The following GABBR2 variants were observed in gnomAD, a reference collection of about 807,000 sequenced individuals.
GABBR2 encodes G-protein coupled receptor 51.
In GABBR2, 23 loss-of-function variants were observed where a neutral mutation model predicts 105.6. The ratio of observed to expected loss-of-function variants is 0.22; its 90% CI spans 0.16 to 0.31. The LOEUF (loss-of-function observed/expected upper bound fraction) is 0.31. GABBR2 is among the 10% of genes least tolerant of loss of function. The pLI, the probability that GABBR2 is intolerant of heterozygous loss-of-function variation, is 1.00. For synonymous variants in GABBR2, 478 were observed against 499.7 expected (o/e 0.96, Z 0.58); for missense variants, 734 against 1,245.5 (o/e 0.59, Z 6.18).
chr9:98,483,266 C>T (rs557667336), intron 4 of GABBR2, among the ~76,000 whole-genome samples: 2 of 152,178 alleles, frequency 1.3e-5, no homozygotes, highest in Non-Finnish European at 2.9e-5. Flanking sequence ...CAACTAGCTC[C>T]TTAATCAGTC....
At chr9:98,532,785 G>C (rs772957220) in intron 3 of GABBR2, among the ~76,000 whole-genome samples, 1 of 152,198 alleles carries the variant, frequency 6.6e-6, no homozygotes, top group Non-Finnish European at 1.5e-5. Context: ...AACGACTGGT[G>C]TAGAAGTCAG....
At chr9:98,471,366 G>C (rs1253589384) in intron 6 of GABBR2, among the ~76,000 whole-genome samples, 1 of 152,204 alleles carries the variant, frequency 6.6e-6, no homozygotes, top group Non-Finnish European at 1.5e-5. Context: ...ATGAGACAGT[G>C]ATGGGCAAGA....
intron 7 of GABBR2, among the ~76,000 whole-genome samples, chr9:98,427,565 T>C (rs1825719983): frequency 6.6e-6 from 1 of 152,242 alleles, no homozygotes. Context: ...TGGCGGTCAC[T>C]ACCAAATTCC....
intron 7 of GABBR2, among the ~76,000 whole-genome samples, chr9:98,449,598 G>A (rs947125174): frequency 6.6e-5 from 10 of 152,200 alleles, no homozygotes; most frequent in East Asian, 3.8e-4. Flanking sequence ...TAAATGAAGC[G>A]CCCTGGAAGA....
At chr9:98,434,605 G>T (rs976213808) in intron 7 of GABBR2, among the ~76,000 whole-genome samples, 1 of 152,208 alleles carries the variant, frequency 6.6e-6, no homozygotes, top group African/African-American at 2.4e-5. Flanking sequence ...CTCAGCAGCT[G>T]ATATACACCA....
intron 1 of GABBR2, among the ~76,000 whole-genome samples, chr9:98,630,030 T>C (rs1829795985): frequency 6.6e-6 from 1 of 152,200 alleles, no homozygotes; most frequent in African/African-American, 2.4e-5. Flanking sequence ...CATGAATAAC[T>C]GAGCCCTATT....
rs545520644 is a variant in GABBR2, at chr9:98,426,230, T to C, written c.1237-20089A>G. ...AGGCAAAGAGAACATCATGTTGCTTTGCCTACTCAGAGTCAGCGCAGTGTG... is the reference window on the plus strand; with the variant it reads ...AGGCAAAGAGAACATCATGTTGCTTCGCCTACTCAGAGTCAGCGCAGTGTG... On this transcript the variant is annotated intron_variant, in intron 7 of 18. Transcript: ENST00000259455. Among the ~76,000 whole-genome samples, 22 of 152,328 alleles carry C rather than the reference T, an allele frequency of 1.4e-4. No homozygotes were observed. The South Asian group carries it at 4.1e-3, about 29-fold the overall frequency.
intron 7 of GABBR2, among the ~76,000 whole-genome samples, chr9:98,443,684 A>C (rs921055001): frequency 6.6e-6 from 1 of 152,236 alleles, no homozygotes; most frequent in Non-Finnish European, 1.5e-5. Flanking sequence ...AATATATTTC[A>C]TGGACTAAGT....
intron 1 of GABBR2, among the ~76,000 whole-genome samples, chr9:98,624,167 G>A (rs1009759763): frequency 2.0e-5 from 3 of 152,226 alleles, no homozygotes; most frequent in African/African-American, 7.2e-5. Context: ...GCACTGTGGA[G>A]GGGCTGGACC....
chr9:98,657,725 G>A (rs565688945), intron 1 of GABBR2, among the ~76,000 whole-genome samples: 23 of 152,364 alleles, frequency 1.5e-4, no homozygotes, highest in African/African-American at 3.8e-4. Context: ...TGGCAAGAGC[G>A]GGACCAGGTG....
At chr9:98,495,858 G>C (rs987937830) in intron 4 of GABBR2, 1 of 153,698 alleles carries the variant, frequency 6.5e-6, no homozygotes, top group Non-Finnish European at 1.4e-5. Context: ...CTGAGGACAA[G>C]GTCAAGGCCG....
chr9:98,623,853 G>C (rs1464754200), intron 1 of GABBR2, among the ~76,000 whole-genome samples: 1 of 152,170 alleles, frequency 6.6e-6, no homozygotes, highest in African/African-American at 2.4e-5. Context: ...GATAGCCGCA[G>C]GTTCTGCCAT....
chr9:98,400,295 A>C (rs1162670489), intron 8 of GABBR2, among the ~76,000 whole-genome samples: 4 of 152,118 alleles, frequency 2.6e-5, no homozygotes, highest in African/African-American at 9.7e-5. Context: ...CAAACTCATT[A>C]GGAATCAGAG....
At chr9:98,564,668 T>C (rs955887549) in intron 2 of GABBR2, among the ~76,000 whole-genome samples, 10 of 152,188 alleles carry the variant, frequency 6.6e-5, no homozygotes, top group African/African-American at 2.4e-4. Context: ...ATTAGTTTTT[T>C]AACAGGCCCT....
rs764365066 is a variant in GABBR2, at chr9:98,577,994, C to A, written c.400G>T (p.Val134Phe). The A allele has an allele frequency of 6.2e-7, 1 of 1,613,982 alleles. No homozygotes were observed. ...GPNHLMVFGG[V>F]CPSVTSIIAE... is the part of the protein sequence containing the mutation. Reference sequence around the variant, plus strand: ...ATGATGGATGTGACGGATGGACAGACGCCTCCAAACACCATCAAGTGGTTA... The same window carrying A: ...ATGATGGATGTGACGGATGGACAGAAGCCTCCAAACACCATCAAGTGGTTA... The change falls in exon 2 of 19, where the codon GTC (valine) becomes TTC (phenylalanine). Residue 134 changes from valine (V) to phenylalanine (F), a missense_variant. Val to Phe is a conservative substitution (Grantham distance 50, BLOSUM62 -1). Around this residue, in one of 7 missense-constraint regions of GABBR2, gnomAD observed 370 missense variants for 648.9 expected, o/e 0.57. Coordinates refer to ENST00000259455, the MANE Select transcript of GABBR2 (RefSeq NM_005458.8).
intron 5 of GABBR2, among the ~76,000 whole-genome samples, chr9:98,475,428 C>T (rs907843511): frequency 1.3e-5 from 2 of 152,000 alleles, no homozygotes; most frequent in Admixed American, 6.6e-5. Flanking sequence ...AAAGGGTCAC[C>T]CTAGTAATCC....
intron 6 of GABBR2, among the ~76,000 whole-genome samples, chr9:98,467,465 G>T (rs370583566): frequency 5.5e-5 from 8 of 146,186 alleles, no homozygotes; most frequent in East Asian, 3.9e-4. Flanking sequence ...GGAGCTTTGT[G>T]GGGGGTAGGG....
intron 7 of GABBR2, among the ~76,000 whole-genome samples, chr9:98,423,300 T>G (rs1484571105): frequency 2.6e-5 from 4 of 152,344 alleles, no homozygotes; most frequent in African/African-American, 9.6e-5. Context: ...ATGATCGCCA[T>G]TCTAACTGGT....
intron 2 of GABBR2, among the ~76,000 whole-genome samples, chr9:98,542,841 A>G (rs1211063738): frequency 2.0e-5 from 3 of 152,190 alleles, no homozygotes; most frequent in African/African-American, 7.2e-5. Context: ...ATAATGCTGA[A>G]CTTTTCCCTA....
Sources: allele counts gnomAD v4.1 joint callset (sites outside exome capture counted in the v4.1 genomes callset), GRCh38; gene constraint gnomAD v4.1.1; regional missense constraint gnomAD v4.1.1; transcripts MANE v1.5; gene names NCBI Gene and HGNC (gene_info 2026-07-23, HGNC 2026-07-21).